Variants in PNKD observed in about 807,000 individuals in gnomAD.
PNKD encodes PNKD metallo-beta-lactamase domain containing, also known as probable thioesterase PNKD.
In PNKD, 36 loss-of-function variants were observed where a neutral mutation model predicts 45.3. The ratio of observed to expected loss-of-function variants is 0.80; its 90% CI spans 0.61 to 1.05. The LOEUF (loss-of-function observed/expected upper bound fraction) is 1.05. Ranked by LOEUF, PNKD falls within the 50% of genes least tolerant of loss-of-function variation. The pLI is 0.00. For missense variants in PNKD, 511 were observed against 506.6 expected, an observed-to-expected ratio of 1.01 and a Z score of -0.08; for synonymous variants, 197 against 210.1, an observed-to-expected ratio of 0.94 and a Z score of 0.54.
intron 2 of PNKD, among the ~76,000 whole-genome samples, chr2:218,320,727 G>A (rs1337706746): frequency 1.3e-5 from 2 of 152,214 alleles, no homozygotes; most frequent in Non-Finnish European, 2.9e-5. Context: ...GGCACTCCAC[G>A]CAGAAGGCAC....
At chr2:218,273,155 GAAAC>G (rs1369956916) in intron 2 of PNKD, among the ~76,000 whole-genome samples, 1 of 152,188 alleles carries the variant, frequency 6.6e-6, no homozygotes, top group Middle Eastern at 3.2e-3. Context: ...GCTCAGCCTT[GAAAC>G]AATAAAGAGA....
At chr2:218,339,661 G>T (rs1238519994) in intron 2 of PNKD, 122 bp from the exon 3 acceptor site, 1 of 717,794 alleles carries the variant, frequency 1.4e-6, no homozygotes, top group East Asian at 2.7e-5. Context: ...AAGTGAGAGT[G>T]GAATTGCATT....
chr2:218,271,865 T>C (rs1175971044), intron 2 of PNKD, among the ~76,000 whole-genome samples: 1 of 152,210 alleles, frequency 6.6e-6, no homozygotes, highest in Non-Finnish European at 1.5e-5. Context: ...TCATGTGAGC[T>C]TGTACTAGTT....
At chr2:218,314,890 A>C (rs554678682) in intron 2 of PNKD, among the ~76,000 whole-genome samples, 1 of 149,340 alleles carries the variant, frequency 6.7e-6, no homozygotes, top group African/African-American at 2.4e-5. Flanking sequence ...TGGTTTCACC[A>C]CTTTGGACAG....
intron 6 of PNKD, 131 bp downstream of exon 6, chr2:218,341,757 C>A: frequency 1.3e-6 from 1 of 799,370 alleles, no homozygotes. Context: ...CAATCCCAGC[C>A]TATCTGAAGA....
chr2:218,316,479 C>A (rs1693818926), intron 2 of PNKD, among the ~76,000 whole-genome samples: 1 of 152,060 alleles, frequency 6.6e-6, no homozygotes, highest in African/African-American at 2.4e-5. Flanking sequence ...CCTTGTTGCC[C>A]AGGCTGGTTT....
rs1694829199 is a variant in PNKD, at chr2:218,346,487, C to T, written c.*1506C>T. 1 of 154,030 alleles carries T rather than the reference C, an allele frequency of 6.5e-6. No homozygotes were observed. Among genetic ancestry groups the T allele is most frequent in the African/African-American group, 2.4e-5 (1 of 41,452 alleles). The allele number at this position is 154,030 out of a possible 1,614,324, so 9.5% of individuals were successfully genotyped here. ...GTTTCTTCCGACTGGAATGCCTTCC[C>T]CTGCTCCTCCTGCCTTGTCTGCCTG... On this transcript the variant is annotated 3_prime_UTR_variant, in exon 10 of 10. Transcript: ENST00000273077.
chr2:218,343,593 C>T lies in PNKD; in HGVS notation c.868+7C>T, dbSNP rs1574722529. On this transcript the variant is annotated splice_region_variant and intron_variant, in intron 8 of 9. Coordinates refer to ENST00000273077, the MANE Select transcript of PNKD (RefSeq NM_015488.5). The stretch of plus-strand genomic sequence containing the variant: ...GACACCCTTCTGTGGCCTGGTGAGA[C>T]ACCCCCTTACTACTCCCCATCCTCC... 6.2e-7 allele frequency: 1 copy of T among 1,603,596 alleles called. No homozygotes were observed. The highest frequency in any genetic ancestry group is 1.1e-5 in the South Asian group (1 of 89,758).
chr2:218,325,712 C>G (rs1694131955), intron 2 of PNKD, among the ~76,000 whole-genome samples: 2 of 152,308 alleles, frequency 1.3e-5, no homozygotes, highest in South Asian at 4.1e-4. Flanking sequence ...GCCAGGATCA[C>G]TATCTCAGAA....
At chr2:218,317,315 A>C (rs1693842855) in intron 2 of PNKD, among the ~76,000 whole-genome samples, 1 of 152,216 alleles carries the variant, frequency 6.6e-6, no homozygotes, top group Admixed American at 6.5e-5. Context: ...TATTTTTACA[A>C]GCTCCCTGAG....
chr2:218,275,429 CT>C, intron 2 of PNKD: 3 of 1,587,440 alleles, frequency 1.9e-6, no homozygotes, highest in Non-Finnish European at 1.7e-6. Flanking sequence ...AGCCCTCTAG[CT>C]TGGAAGGGAG....
At chr2:218,344,652 T>A (rs1559095959) in intron 9 of PNKD, 82 bp downstream of exon 9, 2 of 1,406,478 alleles carry the variant, frequency 1.4e-6, no homozygotes, top group Non-Finnish European at 2.0e-6. Flanking sequence ...ACCCCAGGCC[T>A]GCGAGCACCT....
chr2:218,316,268 C>CTTTTTTTTTTTT (rs397972881), intron 2 of PNKD, among the ~76,000 whole-genome samples: 21 of 119,586 alleles, frequency 1.8e-4, no homozygotes, highest in Non-Finnish European at 2.5e-4. Flanking sequence ...TTCTTTCTTT[C>CTTTTTTTTTTTT]TTTTTTTTTT....
chr2:218,340,602 C>G lies in PNKD; in HGVS notation c.466-126C>G. ...GGATCTCTCCCCTCCAGCTCCATCC[C>G]TTTCCTCTGCTTCATCTCTCCATGC... On this transcript the variant is annotated intron_variant, in intron 4 of 9. Coordinates refer to ENST00000273077, the MANE Select transcript of PNKD (RefSeq NM_015488.5). This position sits in a 1 kb window ranked among gnomAD's most constrained non-coding sequence, Gnocchi z 4.2. The G allele has an allele frequency of 2.5e-5, 19 of 772,134 alleles. No homozygotes were observed. The South Asian group carries it at 2.5e-4, about 10-fold the overall frequency. The allele number at this position is 772,134 out of a possible 1,614,324, so 47.8% of individuals were successfully genotyped here. A position where few individuals can be genotyped will look rare whatever the true frequency, so the allele number is the denominator to read the frequency against.
At chr2:218,331,132 C>T (rs570697912) in intron 2 of PNKD, among the ~76,000 whole-genome samples, 6 of 152,258 alleles carry the variant, frequency 3.9e-5, no homozygotes, top group South Asian at 2.1e-4. Flanking sequence ...GCACAGGTTC[C>T]AGCCGGACAT....
intron 2 of PNKD, among the ~76,000 whole-genome samples, chr2:218,298,591 A>C (rs543351504): frequency 2.7e-4 from 41 of 152,172 alleles, no homozygotes; most frequent in Non-Finnish European, 4.6e-4. Flanking sequence ...GTTGTTTGTG[A>C]GATAGAAGCC....
rs369221098 is a variant in PNKD at position 218,340,888 on chromosome 2, C to T, written c.524+102C>T. ...GGGGCCAGAGATCAAGAAGTCAGTACGGGCCGGCACCCGCCTTCCTCGTGA... is the reference window on the plus strand; with the variant it reads ...GGGGCCAGAGATCAAGAAGTCAGTATGGGCCGGCACCCGCCTTCCTCGTGA... On this transcript the variant is annotated intron_variant, in intron 5 of 9. Coordinates refer to ENST00000273077, the MANE Select transcript of PNKD (RefSeq NM_015488.5). The surrounding 1 kb of genome is among the most constrained non-coding windows in gnomAD (Gnocchi z 4.2). 52 of 953,032 alleles carry T rather than the reference C, an allele frequency of 5.5e-5. No homozygotes were observed. The highest frequency in any genetic ancestry group is 3.5e-4 in the South Asian group (27 of 77,602). 59.0% of individuals were successfully genotyped at this position (953,032 alleles called of 1,614,324 possible).
At position 218,271,509 on chromosome 2, in the gene PNKD, A is replaced by G. The variant is rs2106177705; in HGVS notation, c.196A>G (p.Lys66Glu). The G allele has an allele frequency of 6.2e-7, 1 of 1,614,174 alleles. No individual in the cohort carries two copies. ...CCCGGAGCTGGAATACATTCCCAGAAAGAGGGGCAAGAACCCCATGAAAGC... is the reference window on the plus strand; with the variant it reads ...CCCGGAGCTGGAATACATTCCCAGAGAGAGGGGCAAGAACCCCATGAAAGC... Reference protein sequence around the residue: ...LSPELEYIPRKRGKNPMKAVG... With the variant: ...LSPELEYIPRERGKNPMKAVG... The change falls in exon 2 of 10, where the codon AAG becomes GAG. Residue 66 changes from lysine to glutamate, a missense_variant. By Grantham distance (56) the Lys-to-Glu change is moderately conservative. Coordinates refer to ENST00000273077, the MANE Select transcript of PNKD (RefSeq NM_015488.5).
intron 2 of PNKD, chr2:218,278,976 AC>A: frequency 6.3e-7 from 1 of 1,592,602 alleles, no homozygotes; most frequent in Non-Finnish European, 8.6e-7. Flanking sequence ...AAAGCTGGTC[AC>A]CTAGAAACAG....
Sources: allele counts gnomAD v4.1 joint callset (sites outside exome capture counted in the v4.1 genomes callset), GRCh38; gene constraint gnomAD v4.1.1; non-coding constraint Gnocchi (gnomAD v3.1); transcripts MANE v1.5; gene names NCBI Gene and HGNC (gene_info 2026-07-23, HGNC 2026-07-21).